The following GPHN variants were observed in gnomAD, a reference collection of about 807,000 sequenced individuals.
GPHN encodes the protein gephyrin.
In GPHN, 17 loss-of-function variants were observed where a neutral mutation model predicts 95.5. The ratio of observed to expected loss-of-function variants is 0.18; its 90% confidence interval spans 0.12 to 0.27. The LOEUF is 0.27. Among genes scored for constraint, GPHN ranks in the 10% least tolerant of loss-of-function variants. The pLI, the probability that GPHN is intolerant of heterozygous loss-of-function variation, is 1.00. For missense variants in GPHN, 660 were observed against 978.1 expected, an observed-to-expected ratio of 0.67 and a Z score of 4.34; for synonymous variants, 320 against 322.5, an observed-to-expected ratio of 0.99 and a Z score of 0.08.
At chr14:67,636,027 GACAAGTC>G in the GPHN span, among the ~76,000 whole-genome samples, 1 of 151,974 alleles carries the variant, frequency 6.6e-6, no homozygotes, top group Non-Finnish European at 1.5e-5. Flanking sequence ...TGTTATTCCT[GACAAGTC>G]ACAAACATTT....
chr14:67,575,407 T>C, the GPHN span: 1 of 1,607,712 alleles, frequency 6.2e-7, no homozygotes, highest in Admixed American at 1.7e-5. Flanking sequence ...GCATGGCCAC[T>C]CCAAGGTGGT....
intron 1 of GPHN, among the ~76,000 whole-genome samples, chr14:66,554,627 A>G (rs1462747185): frequency 2.0e-5 from 3 of 152,152 alleles, no homozygotes; most frequent in East Asian, 1.9e-4. Context: ...TCATAATCCA[A>G]TCACTTCCCA....
At chr14:67,476,245 C>G in the GPHN span, among the ~76,000 whole-genome samples, 1 of 152,332 alleles carries the variant, frequency 6.6e-6, no homozygotes, top group African/African-American at 2.4e-5. Context: ...GTGCATTGCT[C>G]TGTGGTCTTC....
chr14:67,215,697 A>C, the GPHN span, among the ~76,000 whole-genome samples: 1 of 152,252 alleles, frequency 6.6e-6, no homozygotes, highest in Non-Finnish European at 1.5e-5. Flanking sequence ...GAAAAGCGTA[A>C]GGTTTATTTA....
chr14:66,841,024 TATA>T lies in GPHN; in HGVS notation c.294+16459_294+16461del, dbSNP rs1340649656. ...ATATAGATATAGATATAGATATAGA[TATA>T]GATATAGGTATAGATATAGATATAT... On this transcript the variant is annotated intron_variant, in intron 4 of 22. Transcript: ENST00000478722. Among the ~76,000 whole-genome samples the T allele has an allele frequency of 1.5e-3, 220 of 143,152 alleles. 1 individual carries two copies. Among genetic ancestry groups the T allele is most frequent in the African/African-American group, 5.6e-3 (214 of 38,006 alleles). 93.9% of individuals were successfully genotyped at this position (143,152 alleles called of 152,430 possible). A position where few individuals can be genotyped will look rare whatever the true frequency, so the allele number is the denominator to read the frequency against.
At chr14:67,524,190 C>T in the GPHN span, among the ~76,000 whole-genome samples, 1 of 152,108 alleles carries the variant, frequency 6.6e-6, no homozygotes, top group Non-Finnish European at 1.5e-5. Context: ...TTCCCGGGCT[C>T]AATCTTCCCG....
the GPHN span, chr14:67,221,675 C>T: frequency 2.0e-6 from 3 of 1,531,012 alleles, no homozygotes; most frequent in Non-Finnish European, 1.8e-6. Flanking sequence ...TTACTACCCA[C>T]AGAGCATTTA....
chr14:67,228,418 C>T, the GPHN span: 7 of 406,758 alleles, frequency 1.7e-5, no homozygotes, highest in South Asian at 1.1e-4. Flanking sequence ...GACTTCTCCA[C>T]CTTTTTTTAA....
At chr14:67,656,096 A>G in the GPHN span, among the ~76,000 whole-genome samples, 1 of 152,008 alleles carries the variant, frequency 6.6e-6, no homozygotes. Context: ...AAATACAAAC[A>G]TTAGCTAGGC....
the GPHN span, chr14:67,412,047 C>T: frequency 6.4e-7 from 1 of 1,554,488 alleles, no homozygotes; most frequent in Non-Finnish European, 8.7e-7. Context: ...TCCTTGAGCA[C>T]GCCGTCCTCC....
At chr14:67,600,142 T>C in the GPHN span, 2 of 1,593,986 alleles carry the variant, frequency 1.3e-6, no homozygotes, top group African/African-American at 2.7e-5. Flanking sequence ...CGGGGAGTAG[T>C]AGCGGCGCTG....
intron 16 of GPHN, among the ~76,000 whole-genome samples, chr14:67,120,262 A>C (rs564602471): frequency 6.6e-6 from 1 of 152,196 alleles, no homozygotes; most frequent in South Asian, 2.1e-4. Context: ...TTGAAACTGT[A>C]ATAAATTTCA....
intron 2 of GPHN, among the ~76,000 whole-genome samples, chr14:66,774,580 T>C (rs2059313129): frequency 6.6e-6 from 1 of 152,190 alleles, no homozygotes. Context: ...GTATATTTTT[T>C]CTCTCAAAAA....
chr14:67,226,014 A>C, the GPHN span, among the ~76,000 whole-genome samples: 1 of 151,002 alleles, frequency 6.6e-6, no homozygotes, highest in South Asian at 2.1e-4. Flanking sequence ...CTGAGTTCAC[A>C]GTATTGAAGG....
chr14:66,590,576 C>T (rs1005208073), intron 1 of GPHN, among the ~76,000 whole-genome samples: 14 of 152,208 alleles, frequency 9.2e-5, no homozygotes, highest in Admixed American at 2.0e-4. Context: ...AATTCCTGGA[C>T]GCATACACCC....
the GPHN span, among the ~76,000 whole-genome samples, chr14:67,295,390 T>G: frequency 6.6e-6 from 1 of 151,462 alleles, no homozygotes; most frequent in Non-Finnish European, 1.5e-5. Context: ...CTTGGGAGGC[T>G]GAGGCAGGAG....
At chr14:67,274,862 G>A in the GPHN span, among the ~76,000 whole-genome samples, 1 of 152,056 alleles carries the variant, frequency 6.6e-6, no homozygotes, top group African/African-American at 2.4e-5. Context: ...GGATTCCTAG[G>A]TATTTTATTC....
At chr14:66,957,926 TTAAC>T (rs545685283) in intron 8 of GPHN, among the ~76,000 whole-genome samples, 338 of 152,274 alleles carry the variant, frequency 2.2e-3, no homozygotes, top group African/African-American at 7.8e-3. Context: ...TTATGAGAAT[TTAAC>T]TAATCCCTGA....
intron 2 of GPHN, among the ~76,000 whole-genome samples, chr14:66,687,050 C>T (rs2067417428): frequency 6.6e-6 from 1 of 152,156 alleles, no homozygotes; most frequent in South Asian, 2.1e-4. Context: ...TGCTGGATTA[C>T]GTTTATTGAT....
Sources: gnomAD v4.1 joint callset for allele counts (sites outside exome capture counted in the v4.1 genomes callset) on GRCh38, gnomAD v4.1.1 for gene constraint, MANE v1.5 for transcripts, NCBI Gene and HGNC (gene_info 2026-07-23, HGNC 2026-07-21) for gene names.